MAN1A1: variants seen among roughly 807,000 people sequenced by gnomAD.
MAN1A1 encodes the protein mannosyl-oligosaccharide 1,2-alpha-mannosidase IA.
MAN1A1 carries 29 observed loss-of-function variants against 70.8 expected under a neutral mutation model. That is an observed-to-expected ratio of 0.41 (90% CI 0.31 to 0.56). The LOEUF (loss-of-function observed/expected upper bound fraction) is 0.56. Among genes scored for constraint, MAN1A1 ranks in the 20% least tolerant of loss-of-function variants. The probability of loss-of-function intolerance (pLI) is 0.29; values close to 1 mark genes in which losing one functional copy is unlikely to be tolerated. For synonymous variants in MAN1A1, 349 were observed against 330.1 expected, an observed-to-expected ratio of 1.06 and a Z score of -0.62; for missense variants, 747 against 841.3, an observed-to-expected ratio of 0.89 and a Z score of 1.39.
intron 2 of MAN1A1, among the ~76,000 whole-genome samples, chr6:119,313,029 G>T (rs537994332): frequency 6.6e-6 from 1 of 152,188 alleles, no homozygotes; most frequent in East Asian, 1.9e-4. Context: ...AGTCCTCCTA[G>T]GCTTCAGGAG....
At chr6:119,313,835 T>C (rs1582795404) in intron 2 of MAN1A1, among the ~76,000 whole-genome samples, 1 of 151,858 alleles carries the variant, frequency 6.6e-6, no homozygotes, top group Admixed American at 6.6e-5. Flanking sequence ...GGTCAGAACA[T>C]TTGAAGGGCC....
At chr6:119,344,340 T>C (rs56855496) in intron 2 of MAN1A1, among the ~76,000 whole-genome samples, 3 of 152,196 alleles carry the variant, frequency 2.0e-5, no homozygotes, top group African/African-American at 7.2e-5. Flanking sequence ...CCCATTACTG[T>C]ATATATGTAT....
At chr6:119,230,529 C>T (rs1774647860) in intron 6 of MAN1A1, among the ~76,000 whole-genome samples, 2 of 151,910 alleles carry the variant, frequency 1.3e-5, no homozygotes, top group Non-Finnish European at 2.9e-5. Flanking sequence ...CATCCACTCT[C>T]TTCTCTTCCC....
intron 2 of MAN1A1, among the ~76,000 whole-genome samples, chr6:119,308,552 G>A (rs947454204): frequency 6.6e-5 from 10 of 152,194 alleles, no homozygotes; most frequent in Admixed American, 5.2e-4. Context: ...TGCATGTAAG[G>A]AATACATGAT....
At chr6:119,320,072 C>T (rs1186939331) in intron 2 of MAN1A1, among the ~76,000 whole-genome samples, 1 of 152,054 alleles carries the variant, frequency 6.6e-6, no homozygotes, top group African/African-American at 2.4e-5. Context: ...CTCCTGGGTT[C>T]AAGTGATTCT....
chr6:119,270,209 A>G lies in MAN1A1; in HGVS notation c.897+20474T>C, dbSNP rs189333307. Among the ~76,000 whole-genome samples the G allele has an allele frequency of 2.6e-5, 4 of 152,264 alleles. No individual in the cohort carries two copies. In the East Asian group the frequency reaches 7.7e-4, roughly 29 times the overall value. ...CTGGTTAGTGGAAAATATTAATTCA[A>G]GCCCGCACTCTGTGTGTTAGAGATG... On this transcript the variant is annotated intron_variant, in intron 5 of 12. Coordinates refer to ENST00000368468, the MANE Select transcript of MAN1A1 (RefSeq NM_005907.4).
chr6:119,219,448 T>A (rs1022519683), intron 6 of MAN1A1, among the ~76,000 whole-genome samples: 4 of 152,224 alleles, frequency 2.6e-5, no homozygotes, highest in Non-Finnish European at 5.9e-5. Context: ...ACCACTTACC[T>A]ACCCCACCTT....
intron 6 of MAN1A1, among the ~76,000 whole-genome samples, 156 bp downstream of exon 6, chr6:119,248,104 T>C (rs1199187517): frequency 6.6e-6 from 1 of 152,164 alleles, no homozygotes; most frequent in Non-Finnish European, 1.5e-5. Flanking sequence ...ACTGAAAAGC[T>C]AATAGCTGCC....
chr6:119,268,760 C>T (rs1192676989), intron 5 of MAN1A1, among the ~76,000 whole-genome samples: 2 of 151,936 alleles, frequency 1.3e-5, no homozygotes, highest in Non-Finnish European at 2.9e-5. Context: ...CTAATTTCTG[C>T]ATTTTTGTTA....
At chr6:119,228,537 A>G (rs1357231561) in intron 6 of MAN1A1, among the ~76,000 whole-genome samples, 2 of 152,180 alleles carry the variant, frequency 1.3e-5, no homozygotes, top group African/African-American at 4.8e-5. Flanking sequence ...TAATTCAGAA[A>G]AAGAATTCTA....
chr6:119,199,703 T>C (rs865825991), intron 8 of MAN1A1, among the ~76,000 whole-genome samples: 1 of 151,804 alleles, frequency 6.6e-6, no homozygotes, highest in Admixed American at 6.6e-5. Flanking sequence ...GCCTAAAAGT[T>C]TGAGGCCAGC....
chr6:119,197,251 G>GA (rs148448671), intron 8 of MAN1A1, among the ~76,000 whole-genome samples: 6,616 of 151,244 alleles, frequency 0.044, 196 homozygotes, highest in East Asian at 0.082. Flanking sequence ...GGAGGGAGCT[G>GA]AGACTGCACC....
chr6:119,321,700 C>T (rs1261012675), intron 2 of MAN1A1, among the ~76,000 whole-genome samples: 2 of 151,522 alleles, frequency 1.3e-5, no homozygotes, highest in Admixed American at 1.3e-4. Context: ...TCACCGCAGC[C>T]TCAACCTCCT....
intron 5 of MAN1A1, among the ~76,000 whole-genome samples, chr6:119,269,870 A>G (rs1223507072): frequency 6.6e-6 from 1 of 152,188 alleles, no homozygotes; most frequent in Admixed American, 6.5e-5. Context: ...TATGCTGTCC[A>G]GGCTGGTTTT....
At chr6:119,256,234 T>C (rs1426588675) in intron 5 of MAN1A1, among the ~76,000 whole-genome samples, 3 of 152,202 alleles carry the variant, frequency 2.0e-5, no homozygotes, top group African/African-American at 4.8e-5. Context: ...ATTGTAAGCA[T>C]AGTTTAAAAA....
At chr6:119,263,240 AATAATT>A (rs1350037116) in intron 5 of MAN1A1, among the ~76,000 whole-genome samples, 2 of 151,816 alleles carry the variant, frequency 1.3e-5, no homozygotes, top group African/African-American at 4.8e-5. Flanking sequence ...ATATTAACTT[AATAATT>A]ATATTTTATT....
At chr6:119,184,655 G>A (rs1198215415) in intron 11 of MAN1A1, among the ~76,000 whole-genome samples, 1 of 151,492 alleles carries the variant, frequency 6.6e-6, no homozygotes, top group Admixed American at 6.6e-5. Flanking sequence ...AGGTTTAGAA[G>A]AGCAAAGAAA....
intron 2 of MAN1A1, among the ~76,000 whole-genome samples, chr6:119,326,004 A>T (rs2114484095): frequency 6.6e-6 from 1 of 152,336 alleles, no homozygotes; most frequent in Middle Eastern, 3.4e-3. Context: ...AACATAAATC[A>T]CAGCAACAGA....
chr6:119,331,391 G>A (rs1454091581), intron 2 of MAN1A1, among the ~76,000 whole-genome samples: 2 of 151,808 alleles, frequency 1.3e-5, no homozygotes, highest in Admixed American at 6.6e-5. Flanking sequence ...AACTTTAGGA[G>A]TCATAGTTGC....
Sources: allele counts gnomAD v4.1 joint callset (sites outside exome capture counted in the v4.1 genomes callset), GRCh38; gene constraint gnomAD v4.1.1; transcripts MANE v1.5; gene names NCBI Gene and HGNC (gene_info 2026-07-23, HGNC 2026-07-21).